The following HACE1 variants were observed in gnomAD, a reference collection of about 807,000 sequenced individuals.
The protein encoded by HACE1 is HECT domain and ankyrin repeat containing E3 ubiquitin protein ligase 1.
A neutral mutation model predicts 118.4 loss-of-function variants in HACE1; 73 were observed. The ratio of observed to expected loss-of-function variants is 0.62; its 90% CI spans 0.51 to 0.75. HACE1 has a LOEUF of 0.75. Ranked by LOEUF, HACE1 falls within the 30% of genes least tolerant of loss-of-function variation. The pLI is 0.00. For synonymous variants in HACE1, 368 were observed against 374.8 expected, an observed-to-expected ratio of 0.98 and a Z score of 0.21; for missense variants, 749 against 1,102.2, an observed-to-expected ratio of 0.68 and a Z score of 4.54.
At position 104,813,841 on chromosome 6, in the gene HACE1, G is replaced by A. The variant is rs558509344; in HGVS notation, c.535-2448C>T. On this transcript the variant is annotated intron_variant, in intron 6 of 23. Transcript: ENST00000262903. ...GAAAAATGAAACTCAGAATAACAAA[G>A]ACAGTAAAGGGAACCAAAGAAAACA... is the stretch of plus-strand genomic sequence containing the variant. Among the ~76,000 whole-genome samples, 6 of 137,328 alleles carry A rather than the reference G, an allele frequency of 4.4e-5. 2 individuals are homozygous for A. Among genetic ancestry groups the A allele is most frequent in the Non-Finnish European group, 9.4e-5 (6 of 64,118 alleles). 90.1% of individuals were successfully genotyped at this position (137,328 alleles called of 152,430 possible).
intron 19 of HACE1, among the ~76,000 whole-genome samples, chr6:104,764,596 CATCT>C (rs1475720225): frequency 8.0e-5 from 11 of 137,516 alleles, no homozygotes; most frequent in African/African-American, 2.8e-4. Flanking sequence ...TTCACCATGT[CATCT>C]ATAGGCACTT....
chr6:104,792,317 T>C (rs1333279399), intron 10 of HACE1, among the ~76,000 whole-genome samples: 2 of 152,180 alleles, frequency 1.3e-5, no homozygotes, highest in African/African-American at 4.8e-5. Context: ...CACTAAATCA[T>C]ATTAAATTAA....
At chr6:104,819,536 C>T (rs1297475005) in intron 6 of HACE1, among the ~76,000 whole-genome samples, 5 of 152,206 alleles carry the variant, frequency 3.3e-5, no homozygotes, top group African/African-American at 4.8e-5. Context: ...CTAGAGAAAA[C>T]TATTTTAAAA....
chr6:104,766,597 T>C (rs1780038322), intron 19 of HACE1, among the ~76,000 whole-genome samples: 1 of 152,230 alleles, frequency 6.6e-6, no homozygotes, highest in Non-Finnish European at 1.5e-5. Context: ...TTTAATCATA[T>C]AAGACTAGCA....
chr6:104,757,301 C>A (rs908253407), intron 19 of HACE1, among the ~76,000 whole-genome samples: 5 of 152,154 alleles, frequency 3.3e-5, no homozygotes, highest in African/African-American at 4.8e-5. Flanking sequence ...GACTGGACAC[C>A]TCATACAGGC....
chr6:104,859,692 C>T lies in HACE1; in HGVS notation c.-50G>A, dbSNP rs1228367681. 4.0e-6 allele frequency: 6 copies of T among 1,482,898 alleles called. No individual in the cohort carries two copies. The highest frequency in any genetic ancestry group is 1.2e-5 in the South Asian group (1 of 81,584). 91.9% of individuals were successfully genotyped at this position (1,482,898 alleles called of 1,614,324 possible). ...CCGCGATCAGCCGCCCCACCGGCGG[C>T]CTCCGCGCCCAGAGCCCTACATCTC... On this transcript the variant is annotated 5_prime_UTR_variant, in exon 1 of 24. Coordinates refer to ENST00000262903, the MANE Select transcript of HACE1 (RefSeq NM_020771.4).
At chr6:104,792,896 G>C (rs1216958790) in intron 10 of HACE1, among the ~76,000 whole-genome samples, 2 of 152,082 alleles carry the variant, frequency 1.3e-5, no homozygotes, top group African/African-American at 4.8e-5. Flanking sequence ...AATACCAAGG[G>C]CTGCAGAAGC....
chr6:104,763,132 A>G, intron 19 of HACE1, among the ~76,000 whole-genome samples: 1 of 152,174 alleles, frequency 6.6e-6, no homozygotes, highest in Non-Finnish European at 1.5e-5. Flanking sequence ...TATACTATCT[A>G]AAATGCAAGG....
chr6:104,848,914 G>A (rs2114258860), intron 4 of HACE1, among the ~76,000 whole-genome samples: 1 of 152,098 alleles, frequency 6.6e-6, no homozygotes. Flanking sequence ...AAATATGATA[G>A]CTATTTTTAA....
chr6:104,783,208 G>A (rs1315777710), intron 14 of HACE1, among the ~76,000 whole-genome samples: 1 of 152,082 alleles, frequency 6.6e-6, no homozygotes, highest in Non-Finnish European at 1.5e-5. Flanking sequence ...ATTTTTTCAA[G>A]CTTTCTCAAG....
At chr6:104,859,354 C>T in intron 1 of HACE1, 1 of 518,888 alleles carries the variant, frequency 1.9e-6, no homozygotes, top group Non-Finnish European at 3.4e-6. Context: ...CCCCACCAAC[C>T]CAGTTTCCTC....
At chr6:104,763,818 G>A (rs1207580810) in intron 19 of HACE1, among the ~76,000 whole-genome samples, 1 of 152,144 alleles carries the variant, frequency 6.6e-6, no homozygotes, top group Non-Finnish European at 1.5e-5. Flanking sequence ...GGGAGGCCGA[G>A]GTGGGCAGAT....
At chr6:104,854,763 AT>A (rs1052163305) in intron 1 of HACE1, among the ~76,000 whole-genome samples, 3 of 152,202 alleles carry the variant, frequency 2.0e-5, no homozygotes, top group African/African-American at 7.2e-5. Context: ...CATAATTCAT[AT>A]GTTTAGAAAT....
intron 6 of HACE1, among the ~76,000 whole-genome samples, chr6:104,832,056 A>G (rs1774047144): frequency 6.6e-6 from 1 of 151,996 alleles, no homozygotes; most frequent in Non-Finnish European, 1.5e-5. Context: ...AAGAAAGAAA[A>G]GAAAGAACTG....
At position 104,777,239 on chromosome 6, in the gene HACE1, C is replaced by T; in HGVS notation, c.1645G>A (p.Val549Met). 1 of 1,613,258 alleles carries T rather than the reference C, an allele frequency of 6.2e-7. No homozygotes were observed. The highest frequency in any genetic ancestry group is 8.5e-7 in the Non-Finnish European group (1 of 1,179,162). ...ACCAGCAGGATATCATTTTCATTCACTGGCCTGTGCACCATATCTGAATCT... is the reference window on the plus strand; with the variant it reads ...ACCAGCAGGATATCATTTTCATTCATTGGCCTGTGCACCATATCTGAATCT... ...QPDSDMVHRP[V>M]NENDILLVHR... Residue 549 changes from valine to methionine, a missense_variant, in exon 15 of 24, where the codon GTG becomes ATG. Val to Met is a conservative substitution (Grantham distance 21). This residue lies in a region of HACE1 where 195 missense variants were observed against 322.1 expected (regional missense o/e 0.61). Transcript: ENST00000262903.
chr6:104,798,376 A>T (rs1430314755), intron 7 of HACE1, among the ~76,000 whole-genome samples: 1 of 152,112 alleles, frequency 6.6e-6, no homozygotes, highest in Admixed American at 6.6e-5. Flanking sequence ...ATAATTTAAA[A>T]CCAATTGGAA....
At chr6:104,752,419 A>T (rs921138261) in intron 19 of HACE1, among the ~76,000 whole-genome samples, 3 of 152,114 alleles carry the variant, frequency 2.0e-5, no homozygotes, top group Admixed American at 6.5e-5. Flanking sequence ...ACTCTCACTA[A>T]AATTGTTCAC....
chr6:104,848,349 A>C (rs1775866188), intron 4 of HACE1, among the ~76,000 whole-genome samples: 1 of 151,102 alleles, frequency 6.6e-6, no homozygotes, highest in Admixed American at 6.6e-5. Context: ...CCAGCTACTC[A>C]GGAGGCTGAG....
At chr6:104,800,888 G>C (rs533298370) in intron 7 of HACE1, among the ~76,000 whole-genome samples, 2 of 152,146 alleles carry the variant, frequency 1.3e-5, no homozygotes, top group Non-Finnish European at 2.9e-5. Context: ...ACAGAAGTAG[G>C]CTTCAGAAGG....
Sources: gnomAD v4.1 joint callset for allele counts (sites outside exome capture counted in the v4.1 genomes callset) on GRCh38, gnomAD v4.1.1 for gene constraint, gnomAD v4.1.1 regional missense constraint, MANE v1.5 for transcripts, NCBI Gene and HGNC (gene_info 2026-07-23, HGNC 2026-07-21) for gene names.